SOX5: variants seen among roughly 807,000 people sequenced by gnomAD.
SOX5 encodes the protein SRY-box transcription factor 5, also known as transcription factor SOX-5.
In SOX5, 9 loss-of-function variants were observed where a neutral mutation model predicts 92.0. The observed-to-expected ratio is 0.10, with a 90% CI of 0.06 to 0.17. The LOEUF (loss-of-function observed/expected upper bound fraction) is 0.17, where lower values mean the gene tolerates loss of function less well. SOX5 is among the 10% of genes least tolerant of loss of function. The pLI is 1.00. For synonymous variants in SOX5, 344 were observed against 336.3 expected, an observed-to-expected ratio of 1.02 and a Z score of -0.25; for missense variants, 642 against 944.5, an observed-to-expected ratio of 0.68 and a Z score of 4.20.
At chr12:24,056,259 G>A (rs1413934952) in intron 4 of SOX5, among the ~76,000 whole-genome samples, 1 of 150,548 alleles carries the variant, frequency 6.6e-6, no homozygotes, top group Non-Finnish European at 1.5e-5. Flanking sequence ...GACCCACCAT[G>A]TAGATCCACA....
chr12:23,585,516 A>G (rs1950600652), intron 9 of SOX5, among the ~76,000 whole-genome samples: 1 of 152,194 alleles, frequency 6.6e-6, no homozygotes, highest in South Asian at 2.1e-4. Flanking sequence ...TAAAAAGTCC[A>G]AAAATAAGTA....
At chr12:23,774,202 T>C (rs1427343951) in intron 3 of SOX5, among the ~76,000 whole-genome samples, 1 of 152,170 alleles carries the variant, frequency 6.6e-6, no homozygotes, top group Non-Finnish European at 1.5e-5. Context: ...TATAGAAACA[T>C]TACTCTAGAA....
chr12:23,567,059 T>C (rs1947236960), intron 10 of SOX5, among the ~76,000 whole-genome samples: 1 of 152,246 alleles, frequency 6.6e-6, no homozygotes, highest in Non-Finnish European at 1.5e-5. Flanking sequence ...CACTTTCATT[T>C]TCCCTATATG....
chr12:24,000,754 A>G (rs992309095), intron 4 of SOX5, among the ~76,000 whole-genome samples: 1 of 152,156 alleles, frequency 6.6e-6, no homozygotes, highest in African/African-American at 2.4e-5. Context: ...AAAGGGAGAG[A>G]CTGTAATGCA....
chr12:23,937,709 A>G (rs1308065218), intron 1 of SOX5, among the ~76,000 whole-genome samples: 1 of 150,956 alleles, frequency 6.6e-6, no homozygotes, highest in African/African-American at 2.4e-5. Flanking sequence ...TTTATTAGTG[A>G]AACCTACTTT....
rs527244492 is a variant in SOX5 at position 23,559,316 on chromosome 12, C to A, written c.1488+3942G>T. Among the ~76,000 whole-genome samples the A allele has an allele frequency of 2.6e-5, 4 of 152,288 alleles. No homozygotes were observed. The East Asian group carries it at 7.7e-4, about 29-fold the overall frequency. ...TCACTTTTTCACCCACAACACTAAT[C>A]TGTGACAAAGCTGTGTGGCAAAAGA... is the stretch of plus-strand genomic sequence containing the variant. On this transcript the variant is annotated intron_variant, in intron 11 of 14. Coordinates refer to ENST00000451604, the MANE Select transcript of SOX5 (RefSeq NM_006940.6).
chr12:23,623,403 T>C (rs1406886874), intron 8 of SOX5, among the ~76,000 whole-genome samples: 2 of 152,098 alleles, frequency 1.3e-5, no homozygotes, highest in Admixed American at 6.6e-5. Context: ...ACCAATACCA[T>C]GGGGCAGGAA....
chr12:23,777,751 G>GA (rs201981530), intron 3 of SOX5, among the ~76,000 whole-genome samples: 4,590 of 148,570 alleles, frequency 0.031, 101 homozygotes, highest in Middle Eastern at 0.089. Flanking sequence ...ATGCTCATTT[G>GA]AAAAAAAAAA....
chr12:24,106,966 T>G (rs1217802880), intron 4 of SOX5, among the ~76,000 whole-genome samples: 7 of 151,934 alleles, frequency 4.6e-5, no homozygotes. Flanking sequence ...TGAGCCAAAA[T>G]TGTCACAAAA....
chr12:23,664,322 C>CATAT (rs34331621), intron 7 of SOX5, among the ~76,000 whole-genome samples: 48,924 of 149,896 alleles, frequency 0.33, 7,991 homozygotes, highest in Middle Eastern at 0.42. Flanking sequence ...AATTCATTAA[C>CATAT]ATATATATAT....
intron 1 of SOX5, among the ~76,000 whole-genome samples, chr12:24,508,528 T>A (rs1949012826): frequency 6.6e-6 from 1 of 152,114 alleles, no homozygotes; most frequent in South Asian, 2.1e-4. Flanking sequence ...AGGTTTGAGA[T>A]TTCCGTGAGA....
chr12:24,117,625 C>CACAG (rs1455774679), intron 4 of SOX5, among the ~76,000 whole-genome samples: 1 of 152,162 alleles, frequency 6.6e-6, no homozygotes, highest in Non-Finnish European at 1.5e-5. Flanking sequence ...CAGTAGCATA[C>CACAG]TATCCAGCGT....
At chr12:24,374,679 C>A (rs1957073021) in intron 1 of SOX5, among the ~76,000 whole-genome samples, 1 of 152,168 alleles carries the variant, frequency 6.6e-6, no homozygotes. Flanking sequence ...AGCAGCTGAT[C>A]CAACAAGGAC....
intron 3 of SOX5, among the ~76,000 whole-genome samples, chr12:24,240,236 A>G (rs922397803): frequency 1.3e-5 from 2 of 152,202 alleles, no homozygotes; most frequent in African/African-American, 4.8e-5. Context: ...GATTACAGTT[A>G]TTTAATGGTA....
At chr12:23,605,384 A>C (rs2137553921) in intron 8 of SOX5, among the ~76,000 whole-genome samples, 1 of 150,716 alleles carries the variant, frequency 6.6e-6, no homozygotes, top group African/African-American at 2.4e-5. Flanking sequence ...TCCTTTCACA[A>C]CTTTGTTAAA....
intron 2 of SOX5, among the ~76,000 whole-genome samples, chr12:24,321,597 G>C (rs893995509): frequency 1.3e-5 from 2 of 152,102 alleles, no homozygotes; most frequent in Admixed American, 6.5e-5. Flanking sequence ...TCATACTAGA[G>C]ACTATCTTAG....
At chr12:24,391,048 A>G (rs1394147091) in intron 1 of SOX5, among the ~76,000 whole-genome samples, 1 of 152,136 alleles carries the variant, frequency 6.6e-6, no homozygotes, top group African/African-American at 2.4e-5. Flanking sequence ...CCAGCAGCAT[A>G]CAAGTGTTCT....
At chr12:23,557,693 G>A (rs1371607701) in intron 11 of SOX5, among the ~76,000 whole-genome samples, 2 of 152,072 alleles carry the variant, frequency 1.3e-5, no homozygotes, top group Non-Finnish European at 2.9e-5. Context: ...ACCTGGACAT[G>A]GGCCAGGCAC....
chr12:24,438,510 A>C (rs145851513), intron 1 of SOX5, among the ~76,000 whole-genome samples: 2,192 of 152,322 alleles, frequency 0.014, 22 homozygotes, highest in Middle Eastern at 0.024. Context: ...AACTAGGCCA[A>C]CTAAATTGAT....
Sources: allele counts gnomAD v4.1 joint callset (sites outside exome capture counted in the v4.1 genomes callset), GRCh38; gene constraint gnomAD v4.1.1; transcripts MANE v1.5; gene names NCBI Gene and HGNC (gene_info 2026-07-23, HGNC 2026-07-21).